Variants in DGKA observed in about 807,000 individuals in gnomAD.
The protein encoded by DGKA is diacylglycerol kinase alpha.
Under a neutral mutation model 105.0 loss-of-function variants are expected in DGKA, and 35 were observed. The ratio of observed to expected loss-of-function variants is 0.33; its 90% CI spans 0.25 to 0.44. The LOEUF (loss-of-function observed/expected upper bound fraction) is 0.44, where lower values mean the gene tolerates loss of function less well. DGKA is among the 20% of genes least tolerant of loss of function. The probability of loss-of-function intolerance (pLI) is 1.00; values close to 1 mark genes in which losing one functional copy is unlikely to be tolerated. For missense variants in DGKA, 665 were observed against 915.0 expected, an observed-to-expected ratio of 0.73 and a Z score of 3.53; for synonymous variants, 296 against 332.0, an observed-to-expected ratio of 0.89 and a Z score of 1.18.
At chr12:55,927,498 G>C, upstream of DGKA, 1 of 688,136 alleles carries the variant, frequency 1.5e-6, no homozygotes, top group Non-Finnish European at 2.5e-6. Context: ...GAATATCCAG[G>C]CTCTGGCCTG....
At chr12:55,938,663 G>C (rs1257056264) in intron 6 of DGKA, 103 bp downstream of exon 6, 1 of 1,607,434 alleles carries the variant, frequency 6.2e-7, no homozygotes, top group Non-Finnish European at 8.5e-7. Context: ...AAGAGGATGG[G>C]GGGAGAGGTT....
At chr12:55,937,869 A>T (rs1238011151) in intron 4 of DGKA, 109 bp from the exon 5 acceptor site, 1 of 1,039,752 alleles carries the variant, frequency 9.6e-7, no homozygotes, top group African/African-American at 1.6e-5. Flanking sequence ...CTCTCAAAAA[A>T]ATCAGTAAAT....
intron 22 of DGKA, 57 bp from the exon 23 acceptor site, chr12:55,953,293 C>CA (rs1888530999): frequency 1.2e-6 from 2 of 1,612,316 alleles, no homozygotes; most frequent in Non-Finnish European, 1.7e-6. Flanking sequence ...ACCTAAGAAG[C>CA]AGAGTTTTGG....
intron 17 of DGKA, among the ~76,000 whole-genome samples, chr12:55,944,545 A>T: frequency 6.6e-6 from 1 of 152,200 alleles, no homozygotes; most frequent in South Asian, 2.1e-4. Flanking sequence ...GATTATCACT[A>T]TGGGAGCTCT....
chr12:55,952,647 T>C lies in DGKA; in HGVS notation c.1744-87T>C. ...ATCCTGCCTTCTCCAGTTTGTCATC[T>C]GGTGGAGGGAGCGATCACATCTATG... On this transcript the variant is annotated intron_variant, in intron 20 of 23. Coordinates refer to ENST00000331886, the MANE Select transcript of DGKA (RefSeq NM_001345.5). The surrounding 1 kb of genome is among the most constrained non-coding windows in gnomAD (Gnocchi z 5.1). The C allele has an allele frequency of 6.7e-7, 1 of 1,483,126 alleles. No individual in the cohort carries two copies. The allele number at this position is 1,483,126 out of a possible 1,614,324, so 91.9% of individuals were successfully genotyped here. A position where few individuals can be genotyped will look rare whatever the true frequency, so the allele number is the denominator to read the frequency against.
At position 55,952,912 on chromosome 12, in the gene DGKA, T is replaced by C; in HGVS notation, c.1922T>C (p.Ile641Thr). 6.2e-7 allele frequency: 1 copy of C among 1,614,132 alleles called. No individual in the cohort carries two copies. ...GCTAAAGTCATCACCGACCCTGATA[T>C]CCTGAAAACCTGTGTACCAGGTGAG... ...ATAKVITDPD[I>T]LKTCVPDLSD... is the part of the protein sequence containing the mutation. The change falls in exon 21 of 24, where the codon ATC (isoleucine) becomes ACC (threonine). Residue 641 changes from isoleucine to threonine, a missense_variant. By Grantham distance (89) the Ile-to-Thr change is moderately conservative. Around this residue, in one of 3 missense-constraint regions of DGKA, gnomAD observed 158 missense variants for 213.4 expected, o/e 0.74. Coordinates refer to ENST00000331886, the MANE Select transcript of DGKA (RefSeq NM_001345.5). The surrounding 1 kb of genome is among the most constrained non-coding windows in gnomAD (Gnocchi z 5.1).
intron 17 of DGKA, among the ~76,000 whole-genome samples, chr12:55,950,499 G>A (rs7398428): frequency 0.018 from 2,705 of 151,570 alleles, 165 homozygotes; most frequent in East Asian, 0.16. Context: ...GTAGAGACAG[G>A]GTTTCACCAT....
At chr12:55,948,959 T>C (rs1273862283) in intron 17 of DGKA, among the ~76,000 whole-genome samples, 1 of 151,434 alleles carries the variant, frequency 6.6e-6, no homozygotes, top group Non-Finnish European at 1.5e-5. Context: ...GAGGCAGAGG[T>C]TGCAGTGAGC....
In DGKA at chr12:55,936,482, C is replaced by T. The variant is rs747587949; in HGVS notation, c.-22C>T. 3 of 1,612,380 alleles carry T rather than the reference C, an allele frequency of 1.9e-6. No individual in the cohort carries two copies. Among genetic ancestry groups the T allele is most frequent in the Admixed American group, 3.3e-5 (2 of 59,872 alleles). ...ACTACTACGAAGCTGCCTTTCTGGC[C>T]ATCCTTGAGAAAAATAGACAGATGG... On this transcript the variant is annotated 5_prime_UTR_variant, in exon 2 of 24. Transcript: ENST00000331886.
chr12:55,928,726 C>T (rs1005222878), upstream of DGKA, among the ~76,000 whole-genome samples: 3 of 144,008 alleles, frequency 2.1e-5, no homozygotes, highest in Non-Finnish European at 4.5e-5. Context: ...TGAGCAATGG[C>T]TGACTAGGAC....
chr12:55,950,979 C>T (rs1888034014), intron 17 of DGKA, among the ~76,000 whole-genome samples: 1 of 152,004 alleles, frequency 6.6e-6, no homozygotes, highest in Non-Finnish European at 1.5e-5. Flanking sequence ...AAATTCTGGC[C>T]AGGCGCAGTG....
intron 2 of DGKA, 115 bp downstream of exon 2, chr12:55,936,682 C>T: frequency 7.1e-7 from 1 of 1,413,904 alleles, no homozygotes; most frequent in Non-Finnish European, 9.9e-7. Context: ...CAGTGTGCTG[C>T]TCAGATGTGC....
rs1031903923 is a variant in DGKA, at chr12:55,939,926, G to C, written c.710-156G>C. ...CTTTTAGGAGGAAGAGTAAGGAAAA[G>C]GCGTGGGTTTTGGAGGTGGGCACTT... On this transcript the variant is annotated intron_variant, in intron 9 of 23. Transcript: ENST00000331886. 7.5e-6 allele frequency: 5 copies of C among 664,230 alleles called. No individual in the cohort carries two copies. In the African/African-American group the frequency reaches 9.0e-5, roughly 12 times the overall value. 41.1% of individuals were successfully genotyped at this position (664,230 alleles called of 1,614,324 possible).
Position 55,940,401 on chromosome 12 carries a change from A to G in DGKA, c.886A>G (p.Thr296Ala), listed in dbSNP as rs141417048. 4.0e-3 allele frequency: 6,423 copies of G among 1,614,204 alleles called. 15 individuals are homozygous for G. The highest frequency in any genetic ancestry group is 4.6e-3 in the Non-Finnish European group (5,432 of 1,180,036). ...AAAGATCCGGATCTACCACAGTCTG[A>G]CCGGGCTGCATTGTGTATGGTGCCA... ...QKKIRIYHSL[T>A]GLHCVWCHLE... The change falls in exon 11 of 24, where the codon ACC becomes GCC. Residue 296 changes from threonine (T) to alanine (A), a missense_variant. Coordinates refer to ENST00000331886, the MANE Select transcript of DGKA (RefSeq NM_001345.5). This position sits in a 1 kb window ranked among gnomAD's most constrained non-coding sequence, Gnocchi z 4.3.
Position 55,942,243 on chromosome 12 carries a change from G to A in DGKA, c.1406G>A (p.Arg469Gln). 5.0e-6 allele frequency: 8 copies of A among 1,614,184 alleles called. No individual in the cohort carries two copies. The highest frequency in any genetic ancestry group is 1.3e-5 in the African/African-American group (1 of 75,044). ...CTGGGTACTGGAAATGATCTGGCTC[G>A]ATGCCTAAGATGGGGAGGAGGTAAG... ...LPLGTGNDLARCLRWGGGYEG... is the reference protein window; with the variant it reads ...LPLGTGNDLAQCLRWGGGYEG... The change falls in exon 17 of 24, where the codon CGA becomes CAA. Residue 469 changes from arginine to glutamine, a missense_variant. Arg to Gln is a conservative substitution (Grantham distance 43). Coordinates refer to ENST00000331886, the MANE Select transcript of DGKA (RefSeq NM_001345.5).
upstream of DGKA, chr12:55,929,842 C>T (rs1185683900): frequency 6.6e-6 from 1 of 152,200 alleles, no homozygotes; most frequent in South Asian, 2.1e-4. Flanking sequence ...CTGATTCCAC[C>T]TTATTCCTTA....
rs1042966026 is a variant in DGKA, at chr12:55,952,157, C to T, written c.1652+58C>T. On this transcript the variant is annotated intron_variant, in intron 19 of 23. Transcript: ENST00000331886. The surrounding 1 kb of genome is among the most constrained non-coding windows in gnomAD (Gnocchi z 5.1). ...ACAGTGTCAGGAGCCAGGTTTTGAC[C>T]AAGTTTGACTCAGATTGCTCAGAAG... 1.2e-6 allele frequency: 2 copies of T among 1,604,616 alleles called. No individual in the cohort carries two copies. The highest frequency in any genetic ancestry group is 1.7e-6 in the Non-Finnish European group (2 of 1,171,702).
At chr12:55,934,855 A>G (rs993814770) in intron 1 of DGKA, among the ~76,000 whole-genome samples, 3 of 152,226 alleles carry the variant, frequency 2.0e-5, no homozygotes, top group Non-Finnish European at 2.9e-5. Context: ...ACCAATATTC[A>G]GCACCCACTA....
At chr12:55,930,902 C>T (rs1883539626), upstream of DGKA, 1 of 152,194 alleles carries the variant, frequency 6.6e-6, no homozygotes, top group African/African-American at 2.4e-5. Flanking sequence ...CACTAGAGGG[C>T]CTCATGTATT....
Sources: gnomAD v4.1 joint callset for allele counts (sites outside exome capture counted in the v4.1 genomes callset) on GRCh38, gnomAD v4.1.1 for gene constraint, gnomAD v4.1.1 regional missense constraint, Gnocchi (gnomAD v3.1) non-coding constraint, MANE v1.5 for transcripts, NCBI Gene and HGNC (gene_info 2026-07-23, HGNC 2026-07-21) for gene names.